The following VWA5B2 variants were observed in gnomAD, a reference collection of about 807,000 sequenced individuals.
VWA5B2 encodes von Willebrand factor A domain-containing protein 5B2.
In VWA5B2, 93 loss-of-function variants were observed where a neutral mutation model predicts 118.5. That is an observed-to-expected ratio of 0.79 (90% CI 0.66 to 0.93). VWA5B2 has a LOEUF of 0.93. VWA5B2 is among the 40% of genes least tolerant of loss of function. The pLI, the probability that VWA5B2 is intolerant of heterozygous loss-of-function variation, is 0.00. For missense variants in VWA5B2, 1,546 were observed against 1,672.8 expected, an observed-to-expected ratio of 0.92 and a Z score of 1.32; for synonymous variants, 708 against 716.3, an observed-to-expected ratio of 0.99 and a Z score of 0.19.
In VWA5B2 at chr3:184,236,275, C is replaced by A; in HGVS notation, c.1212+13C>A. 6.4e-7 allele frequency: 1 copy of A among 1,551,758 alleles called. No individual in the cohort carries two copies. Among genetic ancestry groups the A allele is most frequent in the Non-Finnish European group, 8.7e-7 (1 of 1,146,980 alleles). On this transcript the variant is annotated intron_variant, in intron 9 of 19. Transcript: ENST00000691901. Reference sequence around the variant, plus strand: ...GCCTTGCAGTGATGTGAGTGTGGTCCAGGGATCTGGGGGCCTTACAGAGAG... The same window carrying A: ...GCCTTGCAGTGATGTGAGTGTGGTCAAGGGATCTGGGGGCCTTACAGAGAG...
In VWA5B2 at chr3:184,237,235, G is replaced by A; in HGVS notation, c.1543G>A (p.Ala515Thr). 6.4e-7 allele frequency: 1 copy of A among 1,551,294 alleles called. No individual in the cohort carries two copies. Among genetic ancestry groups the A allele is most frequent in the African/African-American group, 1.4e-5 (1 of 73,138 alleles). ...GQRLQPMLVQ[A>T]LRKALEPALS... is the part of the protein sequence containing the mutation. The stretch of plus-strand genomic sequence containing the variant: ...TGGCCACTCCCCACAGCTGGTACAG[G>A]CTCTGCGGAAGGCACTGGAGCCTGC... Residue 515 changes from alanine (A) to threonine (T), a missense_variant, in exon 12 of 20, where the codon GCT becomes ACT. Ala to Thr is a moderately conservative substitution (Grantham distance 58). Coordinates refer to ENST00000691901, the MANE Select transcript of VWA5B2 (RefSeq NM_001390846.1). This position sits in a 1 kb window ranked among gnomAD's most constrained non-coding sequence, Gnocchi z 5.6.
Position 184,241,848 on chromosome 3 carries a change from G to T in VWA5B2, c.3539G>T (p.Cys1180Phe). 6.5e-7 allele frequency: 1 copy of T among 1,539,192 alleles called. No homozygotes were observed. Residue 1180 changes from cysteine (C) to phenylalanine (F), a missense_variant, in exon 20 of 20, where the codon TGC becomes TTC. Physicochemically the swap from Cys to Phe is radical, Grantham distance 205 (BLOSUM62 -2). Transcript: ENST00000691901. This position sits in a 1 kb window ranked among gnomAD's most constrained non-coding sequence, Gnocchi z 5.1. ...AVALAWLEHR[C>F]AAAFDEWELT... ...GCACTCGCCTGGCTGGAGCACCGAT[G>T]CGCCGCTGCCTTCGACGAGTGGGAA...
In VWA5B2 at chr3:184,238,152, G is replaced by A; in HGVS notation, c.1720-151G>A. On this transcript the variant is annotated intron_variant, in intron 12 of 19. Coordinates refer to ENST00000691901, the MANE Select transcript of VWA5B2 (RefSeq NM_001390846.1). The surrounding 1 kb of genome is among the most constrained non-coding windows in gnomAD (Gnocchi z 5.0). Reference sequence around the variant, plus strand: ...CCCAGCAGCTCTATTAACCCTTACAGTGAACATGTCTGCTTCCTCCTTCTT... The same window carrying A: ...CCCAGCAGCTCTATTAACCCTTACAATGAACATGTCTGCTTCCTCCTTCTT... 2.9e-6 allele frequency: 2 copies of A among 700,998 alleles called. No individual in the cohort carries two copies. The highest frequency in any genetic ancestry group is 4.5e-6 in the Non-Finnish European group (2 of 446,588). 43.4% of individuals were successfully genotyped at this position (700,998 alleles called of 1,614,324 possible). A position where few individuals can be genotyped will look rare whatever the true frequency, so the allele number is the denominator to read the frequency against.
At position 184,230,469 on chromosome 3, in the gene VWA5B2, T is replaced by C; in HGVS notation, c.-60T>C. The stretch of plus-strand genomic sequence containing the variant: ...TGGCCTCTGGAGCGCGGGGTGGGCG[T>C]CCCGTCACCCTGCGCCCAGCTTCCC... On this transcript the variant is annotated 5_prime_UTR_variant, in exon 2 of 20. Coordinates refer to ENST00000691901, the MANE Select transcript of VWA5B2 (RefSeq NM_001390846.1). 7.2e-7 allele frequency: 1 copy of C among 1,381,142 alleles called. No individual in the cohort carries two copies. The highest frequency in any genetic ancestry group is 9.3e-7 in the Non-Finnish European group (1 of 1,077,356). 85.6% of individuals were successfully genotyped at this position (1,381,142 alleles called of 1,614,324 possible). A position where few individuals can be genotyped will look rare whatever the true frequency, so the allele number is the denominator to read the frequency against.
chr3:184,238,934 G>T lies in VWA5B2; in HGVS notation c.2202+61G>T, dbSNP rs1718281089. The T allele has an allele frequency of 7.1e-7, 1 of 1,410,360 alleles. No individual in the cohort carries two copies. Among genetic ancestry groups the T allele is most frequent in the Admixed American group, 2.8e-5 (1 of 35,776 alleles). The allele number at this position is 1,410,360 out of a possible 1,614,324, so 87.4% of individuals were successfully genotyped here. A position where few individuals can be genotyped will look rare whatever the true frequency, so the allele number is the denominator to read the frequency against. On this transcript the variant is annotated intron_variant, in intron 14 of 19. Transcript: ENST00000691901. The surrounding 1 kb of genome is among the most constrained non-coding windows in gnomAD (Gnocchi z 5.0). ...AGCAAATATTTATTTACCACCTGCT[G>T]TGCACCAGATATTATGTAGAGTTTA...
chr3:184,242,207 G>T lies in VWA5B2; in HGVS notation c.*169G>T. 1.1e-6 allele frequency: 1 copy of T among 876,122 alleles called. No individual in the cohort carries two copies. The highest frequency in any genetic ancestry group is 1.7e-6 in the Non-Finnish European group (1 of 573,490). 54.3% of individuals were successfully genotyped at this position (876,122 alleles called of 1,614,324 possible). ...TTGCCCCCACAAAAAGTGCCTGCCT[G>T]TGCTCTCTCCCTCTCCTCCCACCCC... On this transcript the variant is annotated 3_prime_UTR_variant, in exon 20 of 20. Transcript: ENST00000691901.
At position 184,241,721 on chromosome 3, in the gene VWA5B2, G is replaced by T; in HGVS notation, c.3412G>T (p.Gly1138Cys). ...CCCCAGCTCGGGCTCTGAGGGGCCAGGCCAGGTGGACAGTGGGCGGGGCTC... is the reference window on the plus strand; with the variant it reads ...CCCCAGCTCGGGCTCTGAGGGGCCATGCCAGGTGGACAGTGGGCGGGGCTC... ...PSPSSGSEGP[G>C]QVDSGRGSDT... The change falls in exon 20 of 20, where the codon GGC (glycine) becomes TGC (cysteine). Residue 1138 changes from glycine (G) to cysteine (C), a missense_variant. Coordinates refer to ENST00000691901, the MANE Select transcript of VWA5B2 (RefSeq NM_001390846.1). This position sits in a 1 kb window ranked among gnomAD's most constrained non-coding sequence, Gnocchi z 5.1. The T allele has an allele frequency of 6.7e-7, 1 of 1,500,408 alleles. No homozygotes were observed. 92.9% of individuals were successfully genotyped at this position (1,500,408 alleles called of 1,614,324 possible).
rs1262767747 is a variant in VWA5B2 at position 184,238,578 on chromosome 3, CA to C, written c.1908del (p.Asp637ThrfsTer102). 1.0e-5 allele frequency: 16 copies of C among 1,549,630 alleles called. No individual in the cohort carries two copies. The highest frequency in any genetic ancestry group is 2.0e-5 in the Admixed American group (1 of 50,944). ...RDSEQSTDAL[T>X]DPVTDPGPNP... ...CTCCCAGCAGGTACTGATGCTCTGACAGACCCAGTCACGGATCCTGGACCCA... is the reference window on the plus strand; with the variant it reads ...CTCCCAGCAGGTACTGATGCTCTGACGACCCAGTCACGGATCCTGGACCCA... On this transcript the variant is annotated frameshift_variant, in exon 14 of 20. Transcript: ENST00000691901. LOFTEE classifies it high-confidence loss of function. This position sits in a 1 kb window ranked among gnomAD's most constrained non-coding sequence, Gnocchi z 5.0.
In VWA5B2 at chr3:184,233,346, CCCCGCCAGG is replaced by C. The variant is rs1717593561; in HGVS notation, c.486_494del (p.Gly166_Pro168del). On this transcript the variant is annotated inframe_deletion, in exon 4 of 20. Coordinates refer to ENST00000691901, the MANE Select transcript of VWA5B2 (RefSeq NM_001390846.1). The surrounding 1 kb of genome is among the most constrained non-coding windows in gnomAD (Gnocchi z 5.2). Reference sequence around the variant, plus strand: ...CTGCCCACTGTGCTCACCCCGCTGGCCCCGCCAGGCCCGCCGGGGCCCCCCAGGCCTCCG... The same window carrying C: ...CTGCCCACTGTGCTCACCCCGCTGGCCCCGCCGGGGCCCCCCAGGCCTCCG... 6.5e-7 allele frequency: 1 copy of C among 1,539,000 alleles called. No homozygotes were observed. Among genetic ancestry groups the C allele is most frequent in the Non-Finnish European group, 8.8e-7 (1 of 1,141,910 alleles).
At position 184,237,389 on chromosome 3, in the gene VWA5B2, G is replaced by T; in HGVS notation, c.1697G>T (p.Gly566Val). The stretch of plus-strand genomic sequence containing the variant: ...TACTGCTCACTCTTCAGGGTGGATG[G>T]CTTCCGGTCCCGCCCACCAGGGGTA... ...LGYCSLFRVDGFRSRPPGGQE... is the reference protein window; with the variant it reads ...LGYCSLFRVDVFRSRPPGGQE... The change falls in exon 12 of 20, where the codon GGC becomes GTC. Residue 566 changes from glycine to valine, a missense_variant. Transcript: ENST00000691901. This position sits in a 1 kb window ranked among gnomAD's most constrained non-coding sequence, Gnocchi z 5.6. 2 of 1,550,102 alleles carry T rather than the reference G, an allele frequency of 1.3e-6. No homozygotes were observed. The highest frequency in any genetic ancestry group is 1.4e-5 in the African/African-American group (1 of 73,130).
chr3:184,236,254 T>C lies in VWA5B2; in HGVS notation c.1204T>C (p.Cys402Arg), dbSNP rs1367414317. ...GCCACTCTTCCCAGAGAGCCGGCCT[T>C]GCAGTGATGTGAGTGTGGTCCAGGG... ...VQPLFPESRP[C>R]SDDAVQLICE... Residue 402 changes from cysteine (C) to arginine (R), a missense_variant, in exon 9 of 20, where the codon TGC (cysteine) becomes CGC (arginine). Cys to Arg is a radical substitution (Grantham distance 180). This residue lies in a region of VWA5B2 where 775 missense variants were observed against 882.3 expected (regional missense o/e 0.88). Coordinates refer to ENST00000691901, the MANE Select transcript of VWA5B2 (RefSeq NM_001390846.1). The C allele has an allele frequency of 6.4e-7, 1 of 1,551,644 alleles. No individual in the cohort carries two copies. The highest frequency in any genetic ancestry group is 1.4e-5 in the African/African-American group (1 of 73,064).
chr3:184,235,103 C>A, intron 7 of VWA5B2, 50 bp from the exon 8 acceptor site: 1 of 1,530,596 alleles, frequency 6.5e-7, no homozygotes, highest in Non-Finnish European at 8.8e-7. Context: ...CCACCCTCAA[C>A]AAAGTAGCAC....
chr3:184,239,708 C>G lies in VWA5B2; in HGVS notation c.2412C>G (p.Ala804=), dbSNP rs1295573490. ...LDDSGNLLSP[A]PMDWDMLMEP... ...CCCCAGGAAACCTGCTCTCCCCAGC[C>G]CCTATGGACTGGGACATGCTGATGG... Residue 804 remains alanine (A), a synonymous_variant, in exon 16 of 20, where the codon GCC becomes GCG. Transcript: ENST00000691901. The surrounding 1 kb of genome is among the most constrained non-coding windows in gnomAD (Gnocchi z 5.1). 7 of 1,480,880 alleles carry G rather than the reference C, an allele frequency of 4.7e-6. No homozygotes were observed. The highest frequency in any genetic ancestry group is 6.3e-6 in the Non-Finnish European group (7 of 1,109,034). The allele number at this position is 1,480,880 out of a possible 1,614,324, so 91.7% of individuals were successfully genotyped here.
In VWA5B2 at chr3:184,237,243, GA is replaced by G; in HGVS notation, c.1553del (p.Lys518ArgfsTer7). 1.3e-6 allele frequency: 2 copies of G among 1,551,486 alleles called. No homozygotes were observed. Among genetic ancestry groups the G allele is most frequent in the Non-Finnish European group, 1.7e-6 (2 of 1,146,968 alleles). ...CCCCACAGCTGGTACAGGCTCTGCG[GA>G]AGGCACTGGAGCCTGCTTTGAGTGA... ...LQPMLVQALR[K>X]ALEPALSDIS... On this transcript the variant is annotated frameshift_variant, in exon 12 of 20. Coordinates refer to ENST00000691901, the MANE Select transcript of VWA5B2 (RefSeq NM_001390846.1). LOFTEE classifies it high-confidence loss of function. This position sits in a 1 kb window ranked among gnomAD's most constrained non-coding sequence, Gnocchi z 5.6.
rs1718080012 is a variant in VWA5B2 at position 184,237,134 on chromosome 3, G to A, written c.1534-92G>A. 7.1e-7 allele frequency: 1 copy of A among 1,403,394 alleles called. No individual in the cohort carries two copies. The highest frequency in any genetic ancestry group is 1.4e-5 in the South Asian group (1 of 72,926). The allele number at this position is 1,403,394 out of a possible 1,614,324, so 86.9% of individuals were successfully genotyped here. A position where few individuals can be genotyped will look rare whatever the true frequency, so the allele number is the denominator to read the frequency against. ...GCCCCATCAGCTTAGGGGCTGGGCA[G>A]ATGGCATCAGGGGAAGGGCAGCCTT... On this transcript the variant is annotated intron_variant, in intron 11 of 19. Coordinates refer to ENST00000691901, the MANE Select transcript of VWA5B2 (RefSeq NM_001390846.1). The surrounding 1 kb of genome is among the most constrained non-coding windows in gnomAD (Gnocchi z 5.6).
In VWA5B2 at chr3:184,239,394, G is replaced by T. The variant is rs1377293917; in HGVS notation, c.2203G>T (p.Val735Leu). The T allele has an allele frequency of 1.2e-5, 18 of 1,538,202 alleles. No homozygotes were observed. Among genetic ancestry groups the T allele is most frequent in the Non-Finnish European group, 1.6e-5 (18 of 1,138,314 alleles). ...LPAPTPAPFK[V>L]GALSTEVLGR... ...AGTGGCCCCCATATCTCACATGCAG[G>T]TGGGGGCCTTGAGTACTGAGGTGCT... Residue 735 changes from valine (V) to leucine (L), a missense_variant and splice_region_variant, in exon 15 of 20, where the codon GTG (valine) becomes TTG (leucine). Physicochemically the swap from Val to Leu is conservative, Grantham distance 32 (BLOSUM62 1). Transcript: ENST00000691901. This position sits in a 1 kb window ranked among gnomAD's most constrained non-coding sequence, Gnocchi z 5.1.
At position 184,237,734 on chromosome 3, in the gene VWA5B2, T is replaced by G. The variant is rs1378265788; in HGVS notation, c.1719+323T>G. Among the ~76,000 whole-genome samples, 2 of 152,210 alleles carry G rather than the reference T, an allele frequency of 1.3e-5. No homozygotes were observed. The highest frequency in any genetic ancestry group is 4.8e-5 in the African/African-American group (2 of 41,460). ...GTTTCCGTCAAGGCTTGCTCATGGC[T>G]TCACATAGTTCCCTATAGAAAGCAC... On this transcript the variant is annotated intron_variant, in intron 12 of 19. Coordinates refer to ENST00000691901, the MANE Select transcript of VWA5B2 (RefSeq NM_001390846.1). The surrounding 1 kb of genome is among the most constrained non-coding windows in gnomAD (Gnocchi z 5.6).
Position 184,241,830 on chromosome 3 carries a change from C to G in VWA5B2, c.3521C>G (p.Ala1174Gly). The stretch of plus-strand genomic sequence containing the variant: ...ACCTGGGCCACTGCCGTAGCACTCG[C>G]CTGGCTGGAGCACCGATGCGCCGCT... ...GRTWATAVAL[A>G]WLEHRCAAAF... is the part of the protein sequence containing the mutation. Residue 1174 changes from alanine to glycine, a missense_variant, in exon 20 of 20, where the codon GCC (alanine) becomes GGC (glycine). Ala to Gly is a moderately conservative substitution (Grantham distance 60). This residue lies in a region of VWA5B2 where 763 missense variants were observed against 766.6 expected (regional missense o/e 1.00). Coordinates refer to ENST00000691901, the MANE Select transcript of VWA5B2 (RefSeq NM_001390846.1). This position sits in a 1 kb window ranked among gnomAD's most constrained non-coding sequence, Gnocchi z 5.1. 1 of 1,529,326 alleles carries G rather than the reference C, an allele frequency of 6.5e-7. No homozygotes were observed. The highest frequency in any genetic ancestry group is 2.0e-5 in the Admixed American group (1 of 50,236). The allele number at this position is 1,529,326 out of a possible 1,614,324, so 94.7% of individuals were successfully genotyped here.
Position 184,230,882 on chromosome 3 carries a change from G to C in VWA5B2, c.275G>C (p.Gly92Ala), listed in dbSNP as rs2108415379. The C allele has an allele frequency of 8.2e-7, 1 of 1,226,594 alleles. No individual in the cohort carries two copies. Among genetic ancestry groups the C allele is most frequent in the South Asian group, 3.7e-5 (1 of 27,116 alleles). The allele number at this position is 1,226,594 out of a possible 1,614,324, so 76.0% of individuals were successfully genotyped here. A position where few individuals can be genotyped will look rare whatever the true frequency, so the allele number is the denominator to read the frequency against. ...GCCTGCTGCCGCGCTCTGGGCCCGG[G>C]GCTGGGGACCCCGACGCCCCGCCGC... ...QAACCRALGP[G>A]LGTPTPRRCA... The change falls in exon 3 of 20, where the codon GGG becomes GCG. Residue 92 changes from glycine to alanine, a missense_variant. Physicochemically the swap from Gly to Ala is moderately conservative, Grantham distance 60. Transcript: ENST00000691901.
Sources: allele counts gnomAD v4.1 joint callset (sites outside exome capture counted in the v4.1 genomes callset), GRCh38; gene constraint gnomAD v4.1.1; regional missense constraint gnomAD v4.1.1; non-coding constraint Gnocchi (gnomAD v3.1); transcripts MANE v1.5; gene names NCBI Gene and HGNC (gene_info 2026-07-23, HGNC 2026-07-21).